STPG2: variants seen among roughly 807,000 people sequenced by gnomAD.
STPG2 encodes the protein sperm-tail PG-rich repeat-containing protein 2.
Under a neutral mutation model 54.2 loss-of-function variants are expected in STPG2, and 56 were observed. That is an observed-to-expected ratio of 1.03 (90% CI 0.83 to 1.29). The LOEUF is 1.29. Ranked by LOEUF, STPG2 falls within the 50% of genes most tolerant of loss-of-function variation. STPG2 has a pLI of 0.00. For missense variants in STPG2, 596 were observed against 544.9 expected (o/e 1.09, Z -0.93); for synonymous variants, 200 against 181.8 (o/e 1.10, Z -0.81).
chr4:97,640,077 G>A (rs1721714145), intron 10 of STPG2, among the ~76,000 whole-genome samples: 1 of 152,002 alleles, frequency 6.6e-6, no homozygotes, highest in Admixed American at 6.6e-5. Context: ...TATGGGCTTA[G>A]TAGGAAATCT....
chr4:97,499,417 A>T (rs553814132), intron 4 of STPG2, among the ~76,000 whole-genome samples: 33 of 152,126 alleles, frequency 2.2e-4, no homozygotes, highest in Admixed American at 7.2e-4. Context: ...TGTTCTAAGC[A>T]CTGAGGAAAT....
Position 97,763,773 on chromosome 4 carries a change from A to G in STPG2, c.1205-50959T>C, listed in dbSNP as rs141607491. 3.3e-5 allele frequency among the ~76,000 whole-genome samples: 5 copies of G among 152,236 alleles called. No individual in the cohort carries two copies. In the East Asian group the frequency reaches 9.7e-4, roughly 29 times the overall value. ...ATTCATTCCATGTGATATTATGCAA[A>G]TGTTGCTGATTACTTATCAATAGCA... On this transcript the variant is annotated intron_variant, in intron 9 of 10. Coordinates refer to ENST00000295268, the MANE Select transcript of STPG2 (RefSeq NM_174952.3).
intron 10 of STPG2, among the ~76,000 whole-genome samples, chr4:97,582,063 T>C (rs1256213301): frequency 6.6e-6 from 1 of 152,010 alleles, no homozygotes; most frequent in Non-Finnish European, 1.5e-5. Context: ...AATTTTCTTT[T>C]TGCCAAGCAT....
intron 4 of STPG2, among the ~76,000 whole-genome samples, chr4:97,552,163 C>G (rs1731980479): frequency 6.6e-6 from 1 of 152,016 alleles, no homozygotes; most frequent in Admixed American, 6.6e-5. Flanking sequence ...GTATTTCATT[C>G]TATTCGGTAT....
chr4:97,783,179 C>T (rs1245130857), intron 9 of STPG2, among the ~76,000 whole-genome samples: 2 of 152,134 alleles, frequency 1.3e-5, no homozygotes, highest in Non-Finnish European at 2.9e-5. Flanking sequence ...GCAATCTACT[C>T]ATCTGACAAA....
At chr4:97,779,730 A>C (rs552322149) in intron 9 of STPG2, among the ~76,000 whole-genome samples, 299 of 152,284 alleles carry the variant, frequency 2.0e-3, no homozygotes, top group African/African-American at 7.0e-3. Flanking sequence ...AACAGCGGAT[A>C]ACTCAGCAGA....
At chr4:97,669,395 T>A (rs1722630144) in intron 10 of STPG2, among the ~76,000 whole-genome samples, 1 of 152,172 alleles carries the variant, frequency 6.6e-6, no homozygotes, top group Non-Finnish European at 1.5e-5. Flanking sequence ...GGAGGTTTAG[T>A]TTGGAGAATA....
intron 5 of STPG2, among the ~76,000 whole-genome samples, chr4:98,012,450 C>T (rs1323939859): frequency 1.3e-5 from 2 of 151,984 alleles, no homozygotes; most frequent in Non-Finnish European, 2.9e-5. Context: ...TTTAGATCCA[C>T]ATGGAGTTTA....
At chr4:97,537,386 C>T (rs1001047969) in intron 4 of STPG2, among the ~76,000 whole-genome samples, 1 of 152,196 alleles carries the variant, frequency 6.6e-6, no homozygotes, top group African/African-American at 2.4e-5. Context: ...AATGGCACAC[C>T]ATGGGATTAT....
intron 10 of STPG2, among the ~76,000 whole-genome samples, chr4:97,638,068 C>G (rs1163647375): frequency 2.0e-5 from 3 of 151,674 alleles, no homozygotes; most frequent in Non-Finnish European, 2.9e-5. Flanking sequence ...AAAGCTGAAG[C>G]CATCACACTA....
chr4:97,634,881 G>C (rs1022700360), intron 10 of STPG2, among the ~76,000 whole-genome samples: 2 of 151,820 alleles, frequency 1.3e-5, no homozygotes, highest in Non-Finnish European at 2.9e-5. Context: ...ACCTGAAAGT[G>C]ATGGGGAGAA....
intron 8 of STPG2, among the ~76,000 whole-genome samples, chr4:97,926,737 G>A (rs1444842032): frequency 6.6e-6 from 1 of 151,944 alleles, no homozygotes; most frequent in African/African-American, 2.4e-5. Context: ...ATTTTAACAT[G>A]TTCTTCATTA....
chr4:97,521,244 T>C (rs1222313595), intron 4 of STPG2, among the ~76,000 whole-genome samples: 3 of 152,038 alleles, frequency 2.0e-5, no homozygotes, highest in African/African-American at 7.2e-5. Flanking sequence ...AAAAAAATAA[T>C]GAATGACTTA....
intron 9 of STPG2, among the ~76,000 whole-genome samples, chr4:97,766,883 T>C (rs1343749736): frequency 3.3e-5 from 5 of 152,032 alleles, no homozygotes; most frequent in Non-Finnish European, 1.5e-5. Flanking sequence ...CTTAATTGTA[T>C]CACCCACTGT....
intron 5 of STPG2, among the ~76,000 whole-genome samples, chr4:97,983,584 T>C (rs1734742403): frequency 6.6e-6 from 1 of 152,178 alleles, no homozygotes; most frequent in African/African-American, 2.4e-5. Context: ...TGTGATATGC[T>C]CTCATCATTA....
At chr4:97,747,471 T>A (rs971196690) in intron 9 of STPG2, among the ~76,000 whole-genome samples, 1 of 151,372 alleles carries the variant, frequency 6.6e-6, no homozygotes, top group Non-Finnish European at 1.5e-5. Flanking sequence ...CTGTCCCAAT[T>A]TTTTTGGTTG....
At chr4:97,848,680 G>A (rs1729045593) in intron 8 of STPG2, among the ~76,000 whole-genome samples, 1 of 152,124 alleles carries the variant, frequency 6.6e-6, no homozygotes, top group South Asian at 2.1e-4. Flanking sequence ...TTTTGTATAA[G>A]GTGTAAAGAA....
chr4:97,636,871 G>C (rs977446711), intron 10 of STPG2, among the ~76,000 whole-genome samples: 2,258 of 151,560 alleles, frequency 0.015, 48 homozygotes, highest in African/African-American at 0.052. Flanking sequence ...ACCAAAAAGA[G>C]TCCAGGACCA....
At chr4:98,088,651 T>G (rs910203370) in intron 5 of STPG2, among the ~76,000 whole-genome samples, 5 of 141,608 alleles carry the variant, frequency 3.5e-5, no homozygotes, top group Non-Finnish European at 6.1e-5. Context: ...TGGTAAGGAC[T>G]ATAAAATCTC....
Sources: gnomAD v4.1 joint callset for allele counts (sites outside exome capture counted in the v4.1 genomes callset) on GRCh38, gnomAD v4.1.1 for gene constraint, MANE v1.5 for transcripts, NCBI Gene and HGNC (gene_info 2026-07-23, HGNC 2026-07-21) for gene names.